The following DCC variants were observed in gnomAD, a reference collection of about 807,000 sequenced individuals.
DCC encodes the protein netrin receptor DCC.
In DCC, 58 loss-of-function variants were observed where a neutral mutation model predicts 172.5. That is an observed-to-expected ratio of 0.34 (90% confidence interval 0.27 to 0.42). The LOEUF is 0.42. DCC is among the 10% of genes least tolerant of loss of function. The pLI, the probability that DCC is intolerant of heterozygous loss-of-function variation, is 1.00. For missense variants in DCC, 1,740 were observed against 1,791.0 expected (o/e 0.97, Z 0.51); for synonymous variants, 709 against 644.5 (o/e 1.10, Z -1.52).
At chr18:52,963,417 A>G (rs571836834) in intron 5 of DCC, among the ~76,000 whole-genome samples, 44 of 152,280 alleles carry the variant, frequency 2.9e-4, no homozygotes, top group African/African-American at 1.0e-3. Flanking sequence ...CCTTAATGAT[A>G]AATGATACTT....
At chr18:53,291,021 A>G (rs2056997399) in intron 12 of DCC, among the ~76,000 whole-genome samples, 1 of 152,098 alleles carries the variant, frequency 6.6e-6, no homozygotes, top group Admixed American at 6.6e-5. Flanking sequence ...TACAAAAATT[A>G]GCCAGGTGTG....
At chr18:53,120,333 T>C (rs1204987085) in intron 7 of DCC, among the ~76,000 whole-genome samples, 1 of 151,790 alleles carries the variant, frequency 6.6e-6, no homozygotes, top group Admixed American at 6.6e-5. Flanking sequence ...AATATAACCT[T>C]AGAGAATGTT....
chr18:52,662,533 G>GAAGGGAGA (rs1235126747), intron 1 of DCC, among the ~76,000 whole-genome samples: 1 of 110,316 alleles, frequency 9.1e-6, no homozygotes, highest in Non-Finnish European at 1.8e-5. Flanking sequence ...TGGGAGGGAG[G>GAAGGGAGA]AAGGGAGAAA....
At chr18:52,495,492 C>G (rs921699063) in intron 1 of DCC, among the ~76,000 whole-genome samples, 10 of 152,088 alleles carry the variant, frequency 6.6e-5, no homozygotes, top group African/African-American at 2.4e-4. Flanking sequence ...TCTCTGAAAT[C>G]TTCACCCCTT....
chr18:53,161,108 C>T (rs11663812), intron 8 of DCC, among the ~76,000 whole-genome samples: 1 of 152,220 alleles, frequency 6.6e-6, no homozygotes, highest in Non-Finnish European at 1.5e-5. Context: ...TTTCTCTCCT[C>T]TACCACTCCA....
chr18:53,285,997 A>T (rs757386762), intron 12 of DCC, among the ~76,000 whole-genome samples: 4 of 152,206 alleles, frequency 2.6e-5, no homozygotes, highest in African/African-American at 4.8e-5. Context: ...TAATGCCTGT[A>T]TCCCTCTTGT....
intron 7 of DCC, among the ~76,000 whole-genome samples, chr18:53,100,952 C>T (rs11876405): frequency 0.18 from 23,869 of 130,412 alleles, 2,365 homozygotes; most frequent in African/African-American, 0.34. Flanking sequence ...TAATGGGTGT[C>T]GTTACTATCC....
chr18:52,677,167 G>A (rs1408970523), intron 1 of DCC, among the ~76,000 whole-genome samples: 1 of 152,070 alleles, frequency 6.6e-6, no homozygotes, highest in Non-Finnish European at 1.5e-5. Context: ...TAATGCCAAG[G>A]TTTTAAATTT....
chr18:52,352,992 G>A (rs926346713), intron 1 of DCC, among the ~76,000 whole-genome samples: 3 of 152,150 alleles, frequency 2.0e-5, no homozygotes, highest in African/African-American at 4.8e-5. Flanking sequence ...ATAGGGAGGT[G>A]ATCCTTGCCT....
intron 5 of DCC, among the ~76,000 whole-genome samples, chr18:53,027,391 TCAA>T (rs2041969187): frequency 6.6e-6 from 1 of 152,182 alleles, no homozygotes. Context: ...AATATTAGCA[TCAA>T]CAAACATTAA....
chr18:52,414,921 T>G (rs78300843), intron 1 of DCC, among the ~76,000 whole-genome samples: 17,647 of 152,204 alleles, frequency 0.12, 1,417 homozygotes, highest in East Asian at 0.39. Context: ...AATTGCAGAG[T>G]ATTACACACC....
At chr18:52,804,933 ATTTC>A (rs973465625) in intron 2 of DCC, among the ~76,000 whole-genome samples, 61 of 152,162 alleles carry the variant, frequency 4.0e-4, no homozygotes, top group African/African-American at 1.3e-3. Flanking sequence ...AGTTGTCCAT[ATTTC>A]TTTCTTATGA....
At chr18:53,000,670 G>C (rs1347669578) in intron 5 of DCC, among the ~76,000 whole-genome samples, 1 of 144,852 alleles carries the variant, frequency 6.9e-6, no homozygotes, top group Non-Finnish European at 1.5e-5. Flanking sequence ...GAGCCAGTCA[G>C]AGCCAGTAAT....
At chr18:52,845,354 A>G (rs12966968) in intron 2 of DCC, among the ~76,000 whole-genome samples, 45,853 of 152,178 alleles carry the variant, frequency 0.3, 8,223 homozygotes, top group Non-Finnish European at 0.42. Context: ...AGTAAAAGTT[A>G]ATGTAATTAT....
At chr18:53,267,205 C>T (rs1204539755) in intron 12 of DCC, among the ~76,000 whole-genome samples, 2 of 151,714 alleles carry the variant, frequency 1.3e-5, no homozygotes, top group Non-Finnish European at 2.9e-5. Context: ...GACATAGACA[C>T]AGACACAGTC....
chr18:52,713,888 T>C (rs2036337024), intron 1 of DCC, among the ~76,000 whole-genome samples: 1 of 152,176 alleles, frequency 6.6e-6, no homozygotes, highest in African/African-American at 2.4e-5. Context: ...AGACCAAAAG[T>C]ACAAGTTTTG....
chr18:52,845,671 A>G (rs2038875313), intron 2 of DCC, among the ~76,000 whole-genome samples: 1 of 152,232 alleles, frequency 6.6e-6, no homozygotes, highest in Non-Finnish European at 1.5e-5. Flanking sequence ...GAATAGAGCC[A>G]TGAACATTAA....
intron 1 of DCC, among the ~76,000 whole-genome samples, chr18:52,679,488 C>G (rs1219463815): frequency 6.6e-6 from 1 of 152,004 alleles, no homozygotes; most frequent in Non-Finnish European, 1.5e-5. Context: ...TCATATAGCC[C>G]CCATCTTTGT....
intron 13 of DCC, among the ~76,000 whole-genome samples, chr18:53,315,832 A>G (rs984873845): frequency 6.6e-6 from 1 of 151,836 alleles, no homozygotes; most frequent in African/African-American, 2.4e-5. Context: ...TTTCTTGTAA[A>G]TTTGTTTAAG....
Sources: gnomAD v4.1 joint callset for allele counts (sites outside exome capture counted in the v4.1 genomes callset) on GRCh38, gnomAD v4.1.1 for gene constraint, MANE v1.5 for transcripts, NCBI Gene and HGNC (gene_info 2026-07-23, HGNC 2026-07-21) for gene names.